Variants in MSRA observed in about 807,000 individuals in gnomAD.
MSRA encodes the protein methionine sulfoxide reductase A, also known as mitochondrial peptide methionine sulfoxide reductase.
In MSRA, 54 loss-of-function variants were observed where a neutral mutation model predicts 31.3. The observed-to-expected ratio is 1.73, with a 90% CI of 1.39 to 2.17. The LOEUF (loss-of-function observed/expected upper bound fraction) is 2.17. Among genes scored for constraint, MSRA ranks in the 30% most tolerant of loss-of-function variants. The pLI is 0.00. For synonymous variants in MSRA, 169 were observed against 116.5 expected (o/e 1.45, Z -2.90); for missense variants, 507 against 300.9 (o/e 1.69, Z -5.07).
At chr8:10,420,260 G>C (rs530518691) in intron 5 of MSRA, among the ~76,000 whole-genome samples, 1 of 151,998 alleles carries the variant, frequency 6.6e-6, no homozygotes, top group South Asian at 2.1e-4. Flanking sequence ...CAGAATGGGG[G>C]TTGCCCGGGG....
intron 1 of MSRA, among the ~76,000 whole-genome samples, chr8:10,101,693 A>G (rs1721878613): frequency 6.6e-6 from 1 of 152,188 alleles, no homozygotes; most frequent in Non-Finnish European, 1.5e-5. Context: ...CAGGATTCAT[A>G]CATGTTTTAG....
In MSRA at chr8:10,103,629, T is replaced by C. The variant is rs551975006; in HGVS notation, c.142+48971T>C. Among the ~76,000 whole-genome samples the C allele has an allele frequency of 3.3e-5, 5 of 152,312 alleles. No homozygotes were observed. The South Asian group carries it at 6.2e-4, about 19-fold the overall frequency. ...TATCTAGTTAGTTTCTCCAGACACA[T>C]GAGGATGATGGATAAAGATAATGTA... On this transcript the variant is annotated intron_variant, in intron 1 of 5. Transcript: ENST00000317173.
chr8:10,057,493 T>C (rs1802445250), intron 1 of MSRA, among the ~76,000 whole-genome samples: 2 of 152,214 alleles, frequency 1.3e-5, no homozygotes, highest in African/African-American at 4.8e-5. Flanking sequence ...TCAGAACTGA[T>C]CTTATTTCCG....
intron 1 of MSRA, among the ~76,000 whole-genome samples, chr8:10,180,026 C>T (rs142453508): frequency 5.8e-4 from 88 of 152,280 alleles, no homozygotes; most frequent in African/African-American, 1.7e-3. Flanking sequence ...TAATTCAATT[C>T]AATTCTGGCA....
intron 2 of MSRA, 88 bp from the exon 3 acceptor site, chr8:10,245,016 T>G (rs1420370357): frequency 7.9e-7 from 1 of 1,261,510 alleles, no homozygotes. Context: ...TTTTTTTTTT[T>G]CTTCATGTAA....
intron 4 of MSRA, among the ~76,000 whole-genome samples, chr8:10,305,409 CTTTTTTTTT>C (rs549346544): frequency 7.3e-5 from 9 of 122,934 alleles, no homozygotes; most frequent in Non-Finnish European, 4.9e-5. Flanking sequence ...TGTTTTCTTC[CTTTTTTTTT>C]TTTTTTTTTT....
At chr8:10,366,736 G>A (rs776326575) in intron 5 of MSRA, among the ~76,000 whole-genome samples, 23 of 152,106 alleles carry the variant, frequency 1.5e-4, no homozygotes, top group Non-Finnish European at 1.0e-4. Flanking sequence ...CGTGGTCGGC[G>A]GCTGTCTTAA....
At chr8:10,411,350 TTC>T (rs1212241800) in intron 5 of MSRA, 3 of 152,268 alleles carry the variant, frequency 2.0e-5, no homozygotes, top group African/African-American at 7.2e-5. Context: ...AAAGCTTCTT[TTC>T]TCTCTGTCTT....
intron 5 of MSRA, among the ~76,000 whole-genome samples, chr8:10,404,019 G>C (rs866568216): frequency 6.6e-6 from 1 of 152,192 alleles, no homozygotes; most frequent in Non-Finnish European, 1.5e-5. Context: ...CTCACTGTAG[G>C]AAAGATTTCT....
Position 10,281,149 on chromosome 8 carries a change from A to G in MSRA, c.332-20385A>G, listed in dbSNP as rs138567876. 2.6e-3 allele frequency among the ~76,000 whole-genome samples: 395 copies of G among 152,356 alleles called. 2 individuals are homozygous for G. Among genetic ancestry groups the G allele is most frequent in the African/African-American group, 9.2e-3 (382 of 41,588 alleles). ...TTATATTTAAATAGGTGGATTGTAT[A>G]GTATGTGAATTTCATCTCAGTAAAG... On this transcript the variant is annotated intron_variant, in intron 3 of 5. Coordinates refer to ENST00000317173, the MANE Select transcript of MSRA (RefSeq NM_012331.5).
chr8:10,291,220 A>G (rs1422079188), intron 3 of MSRA, among the ~76,000 whole-genome samples: 2 of 152,228 alleles, frequency 1.3e-5, no homozygotes, highest in East Asian at 3.8e-4. Flanking sequence ...CTGAGAGCAT[A>G]ATCTCTGAAG....
At chr8:10,083,009 G>A (rs767398619) in intron 1 of MSRA, among the ~76,000 whole-genome samples, 7 of 152,198 alleles carry the variant, frequency 4.6e-5, no homozygotes, top group Non-Finnish European at 8.8e-5. Flanking sequence ...GAATAATTAA[G>A]CCTCCAATCT....
intron 5 of MSRA, among the ~76,000 whole-genome samples, chr8:10,335,281 T>C (rs1473316335): frequency 7.1e-6 from 1 of 140,822 alleles, no homozygotes; most frequent in East Asian, 2.3e-4. Flanking sequence ...TTTGTAGTGT[T>C]TGAATTTGAA....
At chr8:10,107,055 A>G (rs575372291) in intron 1 of MSRA, among the ~76,000 whole-genome samples, 1 of 152,184 alleles carries the variant, frequency 6.6e-6, no homozygotes, top group South Asian at 2.1e-4. Context: ...CATCATGGAT[A>G]GAACACAGAT....
chr8:10,136,195 G>C (rs915733974), intron 1 of MSRA, among the ~76,000 whole-genome samples: 2 of 152,218 alleles, frequency 1.3e-5, no homozygotes, highest in African/African-American at 4.8e-5. Flanking sequence ...ACCCCGGGCA[G>C]AGAGGAGCTC....
intron 2 of MSRA, among the ~76,000 whole-genome samples, chr8:10,238,770 C>T (rs1297309537): frequency 6.6e-6 from 1 of 152,058 alleles, no homozygotes; most frequent in Non-Finnish European, 1.5e-5. Flanking sequence ...TCCATATGGT[C>T]TAACAACCTA....
chr8:10,267,668 G>A (rs1798817074), intron 3 of MSRA, among the ~76,000 whole-genome samples: 1 of 152,056 alleles, frequency 6.6e-6, no homozygotes, highest in African/African-American at 2.4e-5. Flanking sequence ...CACCGGAGTT[G>A]GAGTCTGACA....
intron 1 of MSRA, among the ~76,000 whole-genome samples, chr8:10,174,099 T>G (rs1382078919): frequency 6.6e-6 from 1 of 152,124 alleles, no homozygotes; most frequent in Non-Finnish European, 1.5e-5. Context: ...AATGTGCCAA[T>G]TAGACCAGTA....
chr8:10,349,348 C>A (rs964965581), intron 5 of MSRA, among the ~76,000 whole-genome samples: 1 of 152,184 alleles, frequency 6.6e-6, no homozygotes, highest in Non-Finnish European at 1.5e-5. Flanking sequence ...CGTGCTCTTC[C>A]CCATTCTCTG....
Sources: gnomAD v4.1 joint callset for allele counts (sites outside exome capture counted in the v4.1 genomes callset) on GRCh38, gnomAD v4.1.1 for gene constraint, MANE v1.5 for transcripts, NCBI Gene and HGNC (gene_info 2026-07-23, HGNC 2026-07-21) for gene names.